Variants in FOSB observed in about 807,000 individuals in gnomAD.
FOSB encodes FosB proto-oncogene, AP-1 transcription factor subunit, also known as protein FosB.
FOSB carries 8 observed loss-of-function variants against 31.1 expected under a neutral mutation model. The observed-to-expected ratio is 0.26, with a 90% CI of 0.15 to 0.46. The LOEUF (loss-of-function observed/expected upper bound fraction) is 0.46. Among genes scored for constraint, FOSB ranks in the 20% least tolerant of loss-of-function variants. The pLI is 0.99. For missense variants in FOSB, 376 were observed against 460.6 expected, an observed-to-expected ratio of 0.82 and a Z score of 1.68; for synonymous variants, 214 against 206.1, an observed-to-expected ratio of 1.04 and a Z score of -0.33.
At position 45,472,863 on chromosome 19, in the gene FOSB, G is replaced by A. The variant is rs753320428; in HGVS notation, c.868G>A (p.Gly290Ser). 5.0e-6 allele frequency: 8 copies of A among 1,613,938 alleles called. No homozygotes were observed. The highest frequency in any genetic ancestry group is 2.7e-5 in the African/African-American group (2 of 74,886). The change falls in exon 4 of 4, where the codon GGC (glycine) becomes AGC (serine). Residue 290 changes from glycine (G) to serine (S), a missense_variant. Physicochemically the swap from Gly to Ser is moderately conservative, Grantham distance 56. This residue lies in a region of FOSB where 148 missense variants were observed against 170.0 expected (regional missense o/e 0.87). Coordinates refer to ENST00000353609, the MANE Select transcript of FOSB (RefSeq NM_006732.3). The surrounding 1 kb of genome is among the most constrained non-coding windows in gnomAD (Gnocchi z 5.4). ...TACACACAGTGAAGTTCAAGTCCTCGGCGACCCCTTCCCCGTTGTTAACCC... is the reference window on the plus strand; with the variant it reads ...TACACACAGTGAAGTTCAAGTCCTCAGCGACCCCTTCCCCGTTGTTAACCC... ...LFTHSEVQVL[G>S]DPFPVVNPSY...
intron 2 of FOSB, 37 bp downstream of exon 2, chr19:45,470,986 G>A (rs759880826): frequency 6.3e-7 from 1 of 1,597,580 alleles, no homozygotes; most frequent in Non-Finnish European, 8.5e-7. Context: ...CTGGGTAGGG[G>A]GAAGCAAGAG....
Position 45,468,089 on chromosome 19 carries a change from T to C in FOSB, c.-498T>C, listed in dbSNP as rs1209361969. The C allele has an allele frequency of 7.4e-6, 1 of 134,436 alleles. No homozygotes were observed. The allele number at this position is 134,436 out of a possible 1,614,324, so 8.3% of individuals were successfully genotyped here. A position where few individuals can be genotyped will look rare whatever the true frequency, so the allele number is the denominator to read the frequency against. On this transcript the variant is annotated 5_prime_UTR_variant, in exon 1 of 4. Coordinates refer to ENST00000353609, the MANE Select transcript of FOSB (RefSeq NM_006732.3). This position sits in a 1 kb window ranked among gnomAD's most constrained non-coding sequence, Gnocchi z 4.8. ...GTGGTTCTTCTTGGGGGTTATGAAA[T>C]TTCATTAATCTTTTTTTTTCCGGGG...
At chr19:45,471,496 T>TCCC (rs3831491) in intron 3 of FOSB, 195 bp downstream of exon 3, 16,198 of 374,228 alleles carry the variant, frequency 0.043, 395 homozygotes, top group African/African-American at 0.11. Flanking sequence ...CAACTCCTGG[T>TCCC]CCCCCCCCCA....
chr19:45,471,099 T>A, intron 2 of FOSB, 95 bp from the exon 3 acceptor site: 1 of 1,384,624 alleles, frequency 7.2e-7, no homozygotes, highest in Non-Finnish European at 1.0e-6. Flanking sequence ...AGGCTTGTTT[T>A]TTGGCTCTTG....
In FOSB at chr19:45,473,203, C is replaced by A; in HGVS notation, c.*191C>A. The A allele has an allele frequency of 1.7e-6, 1 of 599,928 alleles. No homozygotes were observed. Among genetic ancestry groups the A allele is most frequent in the Non-Finnish European group, 2.9e-6 (1 of 345,654 alleles). 37.2% of individuals were successfully genotyped at this position (599,928 alleles called of 1,614,324 possible). ...GGAGGATTCCTTGTGTTTTGTCCTG[C>A]CTCTTGTTTCTGTGCCCCGGCGAGG... On this transcript the variant is annotated 3_prime_UTR_variant, in exon 4 of 4. Coordinates refer to ENST00000353609, the MANE Select transcript of FOSB (RefSeq NM_006732.3).
chr19:45,468,467 AGCTCACCGGGGACTCCCACG>A lies in FOSB; in HGVS notation c.-112_-93del. On this transcript the variant is annotated 5_prime_UTR_variant, in exon 1 of 4. Transcript: ENST00000353609. The surrounding 1 kb of genome is among the most constrained non-coding windows in gnomAD (Gnocchi z 4.8). ...GACAGCGTACTTTGAGGACTCGCTC[AGCTCACCGGGGACTCCCACG>A]GCTCACCCCGGACTTGCACCTTACT... The A allele has an allele frequency of 9.3e-7, 1 of 1,069,954 alleles. No individual in the cohort carries two copies. The highest frequency in any genetic ancestry group is 1.4e-6 in the Non-Finnish European group (1 of 737,578). The allele number at this position is 1,069,954 out of a possible 1,614,324, so 66.3% of individuals were successfully genotyped here. A position where few individuals can be genotyped will look rare whatever the true frequency, so the allele number is the denominator to read the frequency against.
chr19:45,472,236 A>G lies in FOSB; in HGVS notation c.556-315A>G, dbSNP rs1967704844. ...GGACAGAGCGAGACTCTGGCTCAAA[A>G]GCAAAACAAAACCAACCACATAACG... is the stretch of plus-strand genomic sequence containing the variant. On this transcript the variant is annotated intron_variant, in intron 3 of 3. Coordinates refer to ENST00000353609, the MANE Select transcript of FOSB (RefSeq NM_006732.3). This position sits in a 1 kb window ranked among gnomAD's most constrained non-coding sequence, Gnocchi z 5.4. 6.6e-6 allele frequency among the ~76,000 whole-genome samples: 1 copy of G among 152,210 alleles called. No homozygotes were observed. Among genetic ancestry groups the G allele is most frequent in the Admixed American group, 6.5e-5 (1 of 15,278 alleles).
Position 45,472,960 on chromosome 19 carries a change from G to C in FOSB, c.965G>C (p.Gly322Ala), listed in dbSNP as rs1967733976. The change falls in exon 4 of 4, where the codon GGC becomes GCC. Residue 322 changes from glycine (G) to alanine (A), a missense_variant. Coordinates refer to ENST00000353609, the MANE Select transcript of FOSB (RefSeq NM_006732.3). This position sits in a 1 kb window ranked among gnomAD's most constrained non-coding sequence, Gnocchi z 5.4. ...TTCGCCGGCGCCCAACGCACCAGCGGCAGTGACCAGCCTTCCGATCCCCTG... is the reference window on the plus strand; with the variant it reads ...TTCGCCGGCGCCCAACGCACCAGCGCCAGTGACCAGCCTTCCGATCCCCTG... The part of the protein sequence containing the change: ...SAFAGAQRTS[G>A]SDQPSDPLNS... 11 of 1,612,988 alleles carry C rather than the reference G, an allele frequency of 6.8e-6. No individual in the cohort carries two copies. The highest frequency in any genetic ancestry group is 9.3e-6 in the Non-Finnish European group (11 of 1,180,018).
chr19:45,471,113 G>T lies in FOSB; in HGVS notation c.448-81G>T. ...GAGGCTTGTTTTTTGGCTCTTGGGGGTTCTGAAAGAAGTAGAGGTTCGGGA... is the reference window on the plus strand; with the variant it reads ...GAGGCTTGTTTTTTGGCTCTTGGGGTTTCTGAAAGAAGTAGAGGTTCGGGA... On this transcript the variant is annotated intron_variant, in intron 2 of 3. Coordinates refer to ENST00000353609, the MANE Select transcript of FOSB (RefSeq NM_006732.3). The T allele has an allele frequency of 3.6e-6, 5 of 1,406,026 alleles. No homozygotes were observed. In the South Asian group the frequency reaches 3.7e-5, roughly 10 times the overall value. 87.1% of individuals were successfully genotyped at this position (1,406,026 alleles called of 1,614,324 possible).
Position 45,472,690 on chromosome 19 carries a change from C to G in FOSB, c.695C>G (p.Pro232Arg). The change falls in exon 4 of 4, where the codon CCG becomes CGG. Residue 232 changes from proline (P) to arginine (R), a missense_variant. Physicochemically the swap from Pro to Arg is moderately radical, Grantham distance 103. This residue lies in a region of FOSB where 148 missense variants were observed against 170.0 expected (regional missense o/e 0.87). Coordinates refer to ENST00000353609, the MANE Select transcript of FOSB (RefSeq NM_006732.3). The surrounding 1 kb of genome is among the most constrained non-coding windows in gnomAD (Gnocchi z 5.4). ...CKIPYEEGPGPGPLAEVRDLP... is the reference protein window; with the variant it reads ...CKIPYEEGPGRGPLAEVRDLP... ...ATCCCCTACGAAGAGGGGCCCGGGCCGGGCCCGCTGGCGGAGGTGAGAGAT... is the reference window on the plus strand; with the variant it reads ...ATCCCCTACGAAGAGGGGCCCGGGCGGGGCCCGCTGGCGGAGGTGAGAGAT... The G allele has an allele frequency of 3.1e-6, 5 of 1,608,370 alleles. No individual in the cohort carries two copies. The highest frequency in any genetic ancestry group is 4.2e-6 in the Non-Finnish European group (5 of 1,177,206).
chr19:45,471,496 T>C (rs866741574), intron 3 of FOSB, 195 bp downstream of exon 3: 151 of 377,062 alleles, frequency 4.0e-4, no homozygotes, highest in South Asian at 8.2e-4. Context: ...CAACTCCTGG[T>C]CCCCCCCCCA....
chr19:45,470,321 T>C, intron 1 of FOSB: 1 of 385,642 alleles, frequency 2.6e-6, no homozygotes, highest in South Asian at 4.8e-5. Context: ...TCCAGCCTCC[T>C]CTCCACCCCC....
At chr19:45,469,831 C>T (rs752589973) in intron 1 of FOSB, 9 of 152,610 alleles carry the variant, frequency 5.9e-5, no homozygotes, top group African/African-American at 1.9e-4. Flanking sequence ...GTTCCCAGGA[C>T]TCTGATTGGT....
rs1278903949 is a variant in FOSB at position 45,473,343 on chromosome 19, G to A, written c.*331G>A. On this transcript the variant is annotated 3_prime_UTR_variant, in exon 4 of 4. Transcript: ENST00000353609. ...TGGGGATGGGTGGGGAGGGGGGCGG[G>A]TGACGCCCACCTTCGGGCAGTCCTG... 1 of 244,492 alleles carries A rather than the reference G, an allele frequency of 4.1e-6. No homozygotes were observed. Among genetic ancestry groups the A allele is most frequent in the Non-Finnish European group, 7.9e-6 (1 of 127,154 alleles). The allele number at this position is 244,492 out of a possible 1,614,324, so 15.1% of individuals were successfully genotyped here.
At chr19:45,469,233 C>T (rs1967533371) in intron 1 of FOSB, among the ~76,000 whole-genome samples, 1 of 152,238 alleles carries the variant, frequency 6.6e-6, no homozygotes, top group Admixed American at 6.5e-5. Context: ...ACGGGGGACC[C>T]GTGCGTAACG....
intron 1 of FOSB, among the ~76,000 whole-genome samples, chr19:45,469,388 T>G (rs1221511967): frequency 6.6e-6 from 1 of 152,220 alleles, no homozygotes; most frequent in Non-Finnish European, 1.5e-5. Context: ...GCCCGGCGTT[T>G]CGATTGGCCG....
intron 1 of FOSB, among the ~76,000 whole-genome samples, chr19:45,469,270 A>T (rs1043693999): frequency 6.6e-5 from 10 of 152,044 alleles, no homozygotes; most frequent in South Asian, 4.1e-4. Context: ...CCTCCGTCTG[A>T]CGCGGGGCAC....
intron 3 of FOSB, 199 bp downstream of exon 3, chr19:45,471,500 C>CCCCT: frequency 2.3e-6 from 1 of 435,950 alleles, no homozygotes; most frequent in Non-Finnish European, 4.2e-6. Flanking sequence ...TCCTGGTCCC[C>CCCCT]CCCCCATTTC....
intron 2 of FOSB, 65 bp from the exon 3 acceptor site, chr19:45,471,129 A>G: frequency 7.0e-7 from 1 of 1,433,678 alleles, no homozygotes; most frequent in Non-Finnish European, 9.6e-7. Flanking sequence ...AAAGAAGTAG[A>G]GGTTCGGGAT....
Sources: allele counts gnomAD v4.1 joint callset (sites outside exome capture counted in the v4.1 genomes callset), GRCh38; gene constraint gnomAD v4.1.1; regional missense constraint gnomAD v4.1.1; non-coding constraint Gnocchi (gnomAD v3.1); transcripts MANE v1.5; gene names NCBI Gene and HGNC (gene_info 2026-07-23, HGNC 2026-07-21).